The following ATP6V0A1 variants were observed in gnomAD, a reference collection of about 807,000 sequenced individuals.
ATP6V0A1 encodes the protein V-type proton ATPase 116 kDa subunit a 1.
In ATP6V0A1, 43 loss-of-function variants were observed where a neutral mutation model predicts 105.4. The ratio of observed to expected loss-of-function variants is 0.41; its 90% CI spans 0.32 to 0.53. The LOEUF (loss-of-function observed/expected upper bound fraction) is 0.53, where lower values mean the gene tolerates loss of function less well. Among genes scored for constraint, ATP6V0A1 ranks in the 20% least tolerant of loss-of-function variants. The probability of loss-of-function intolerance (pLI) is 0.30; values close to 1 mark genes in which losing one functional copy is unlikely to be tolerated. For synonymous variants in ATP6V0A1, 362 were observed against 372.8 expected, an observed-to-expected ratio of 0.97 and a Z score of 0.33; for missense variants, 676 against 1,051.1, an observed-to-expected ratio of 0.64 and a Z score of 4.93.
At position 42,492,895 on chromosome 17, in the gene ATP6V0A1, G is replaced by A. The variant is rs1384839706; in HGVS notation, c.1175-1439G>A. ...TAGCCAGGCCTGGTGGTGCATGCCT[G>A]TAATCCCAGCTACTCAGGAGGCCTA... On this transcript the variant is annotated intron_variant, in intron 11 of 21. Coordinates refer to ENST00000343619, the MANE Select transcript of ATP6V0A1 (RefSeq NM_001130021.3). 5.3e-5 allele frequency among the ~76,000 whole-genome samples: 8 copies of A among 151,968 alleles called. No homozygotes were observed. The East Asian group carries it at 1.5e-3, about 29-fold the overall frequency.
In ATP6V0A1 at chr17:42,501,257, T is replaced by C. The variant is rs1411213626; in HGVS notation, c.1957T>C (p.Phe653Leu). ...ALLCVPWMLL[F>L]KPLVLRRQYL... ...ACTGTGTGTACCTTGGATGCTGCTG[T>C]TTAAACCATTGGTCCTTCGCCGTCA... is the stretch of plus-strand genomic sequence containing the variant. The change falls in exon 17 of 22, where the codon TTT becomes CTT. Residue 653 changes from phenylalanine to leucine, a missense_variant. By Grantham distance (22) the Phe-to-Leu change is conservative. Around this residue, in one of 3 missense-constraint regions of ATP6V0A1, gnomAD observed 435 missense variants for 642.2 expected, o/e 0.68. Transcript: ENST00000343619. 1 of 1,614,168 alleles carries C rather than the reference T, an allele frequency of 6.2e-7. No homozygotes were observed.
rs748915530 is a variant in ATP6V0A1 at position 42,513,827 on chromosome 17, C to T, written c.2131-34C>T. The T allele has an allele frequency of 2.5e-6, 4 of 1,592,068 alleles. No homozygotes were observed. The Admixed American group carries it at 6.7e-5, about 27-fold the overall frequency. ...AATGCCTGCACGTTCCCCTCCTAGC[C>T]TTATATCTTCTCTCTGGTTTCCTCC... On this transcript the variant is annotated intron_variant, in intron 19 of 21. Coordinates refer to ENST00000343619, the MANE Select transcript of ATP6V0A1 (RefSeq NM_001130021.3).
chr17:42,462,178 G>A (rs1248260110), intron 2 of ATP6V0A1, among the ~76,000 whole-genome samples: 1 of 150,444 alleles, frequency 6.6e-6, no homozygotes. Flanking sequence ...TTATGCCACT[G>A]CACTCCAGCC....
intron 5 of ATP6V0A1, among the ~76,000 whole-genome samples, chr17:42,472,342 CTG>C (rs1335581780): frequency 6.6e-6 from 1 of 152,096 alleles, no homozygotes; most frequent in Non-Finnish European, 1.5e-5. Flanking sequence ...GTGTGAGCCA[CTG>C]TGCCTGGTAG....
chr17:42,499,683 G>A (rs945488542), intron 15 of ATP6V0A1, among the ~76,000 whole-genome samples: 1 of 151,396 alleles, frequency 6.6e-6, no homozygotes, highest in Admixed American at 6.6e-5. Context: ...AGCTACTCTG[G>A]TGGCTGAGGC....
intron 21 of ATP6V0A1, among the ~76,000 whole-genome samples, chr17:42,514,676 A>G (rs1307536039): frequency 6.6e-6 from 1 of 152,140 alleles, no homozygotes; most frequent in African/African-American, 2.4e-5. Flanking sequence ...CCTAGGCTCT[A>G]GGGAGATGTC....
At position 42,473,613 on chromosome 17, in the gene ATP6V0A1, A is replaced by G. The variant is rs530069450; in HGVS notation, c.423+3395A>G. ...TAATTCTTTTACCTTCCCTGTCCCC[A>G]TTTTTTTCCCTTTTGATATACTGTT... On this transcript the variant is annotated intron_variant, in intron 5 of 21. Coordinates refer to ENST00000343619, the MANE Select transcript of ATP6V0A1 (RefSeq NM_001130021.3). Among the ~76,000 whole-genome samples the G allele has an allele frequency of 1.4e-4, 21 of 151,994 alleles. No individual in the cohort carries two copies. In the East Asian group the frequency reaches 1.7e-3, roughly 13 times the overall value.
At chr17:42,486,060 G>A (rs951201374) in intron 9 of ATP6V0A1, among the ~76,000 whole-genome samples, 2 of 152,168 alleles carry the variant, frequency 1.3e-5, no homozygotes, top group African/African-American at 4.8e-5. Flanking sequence ...TGTGCTTTGG[G>A]TTGCTTGCCT....
At chr17:42,501,705 G>A (rs1303314299) in intron 17 of ATP6V0A1, among the ~76,000 whole-genome samples, 1 of 151,212 alleles carries the variant, frequency 6.6e-6, no homozygotes, top group Admixed American at 6.6e-5. Flanking sequence ...GAGCCACCAT[G>A]CCCGGCCACA....
At chr17:42,516,732 C>G (rs1470483900) in intron 21 of ATP6V0A1, among the ~76,000 whole-genome samples, 2 of 152,216 alleles carry the variant, frequency 1.3e-5, no homozygotes, top group Admixed American at 1.3e-4. Context: ...AAGATTGCTT[C>G]CTCCTCAGGC....
chr17:42,486,051 GTGCTTTGGGT>G (rs2090077295), intron 9 of ATP6V0A1, among the ~76,000 whole-genome samples: 1 of 152,190 alleles, frequency 6.6e-6, no homozygotes, highest in African/African-American at 2.4e-5. Flanking sequence ...ATGGAGACTT[GTGCTTTGGGT>G]TGCTTGCCTA....
chr17:42,506,588 T>G (rs563236509), intron 17 of ATP6V0A1, among the ~76,000 whole-genome samples: 18 of 152,246 alleles, frequency 1.2e-4, no homozygotes, highest in Non-Finnish European at 1.8e-4. Context: ...TTTGGCCCCC[T>G]GGACAGAAAC....
rs747592445 is a variant in ATP6V0A1, at chr17:42,495,197, CAGA to C, written c.1469+15_1469+17del. 3 of 1,612,476 alleles carry C rather than the reference CAGA, an allele frequency of 1.9e-6. No individual in the cohort carries two copies. The highest frequency in any genetic ancestry group is 3.3e-5 in the Admixed American group (2 of 59,914). On this transcript the variant is annotated intron_variant, in intron 13 of 21. Transcript: ENST00000343619. ...TTTACTTATAATTGGACGTAAGTTG[CAGA>C]AGAAGCTAAAATTCAAAGCTTATTC...
chr17:42,495,090 C>T lies in ATP6V0A1; in HGVS notation c.1371C>T (p.Ser457=). 1 of 1,613,984 alleles carries T rather than the reference C, an allele frequency of 6.2e-7. No individual in the cohort carries two copies. The highest frequency in any genetic ancestry group is 8.5e-7 in the Non-Finnish European group (1 of 1,179,872). ...TTATTTTATTGATGGGTGTGTTCTC[C>T]ATGTACACTGGCCTCATCTACAATG... The part of the protein sequence containing the change: ...RYIILLMGVF[S]MYTGLIYNDC... Residue 457 remains serine (S), a synonymous_variant, in exon 13 of 22, where the codon TCC becomes TCT. Transcript: ENST00000343619.
chr17:42,492,880 T>G (rs1469540779), intron 11 of ATP6V0A1, among the ~76,000 whole-genome samples: 1 of 152,006 alleles, frequency 6.6e-6, no homozygotes, highest in Non-Finnish European at 1.5e-5. Context: ...TAGCCAGGCC[T>G]GGTGGTGCAT....
intron 5 of ATP6V0A1, chr17:42,470,950 C>T (rs139162821): frequency 0.046 from 7,024 of 151,764 alleles, 228 homozygotes; most frequent in Admixed American, 0.073. Flanking sequence ...TGGTGAAACC[C>T]GGTCTCTACT....
At chr17:42,501,585 T>A in intron 17 of ATP6V0A1, among the ~76,000 whole-genome samples, 1 of 151,988 alleles carries the variant, frequency 6.6e-6, no homozygotes, top group East Asian at 2.0e-4. Context: ...TGGCTAATTC[T>A]TGTATTTTTA....
At chr17:42,513,756 C>G (rs1029824796) in intron 19 of ATP6V0A1, 105 bp from the exon 20 acceptor site, 1 of 1,073,560 alleles carries the variant, frequency 9.3e-7, no homozygotes, top group Non-Finnish European at 1.4e-6. Context: ...GAAGTGCAGT[C>G]CCCTGCCCTG....
chr17:42,518,073 T>C (rs2092700626), intron 21 of ATP6V0A1: 1 of 152,258 alleles, frequency 6.6e-6, no homozygotes, highest in African/African-American at 2.4e-5. Flanking sequence ...CTTGGCTTCT[T>C]ACCTACCATA....
Sources: gnomAD v4.1 joint callset for allele counts (sites outside exome capture counted in the v4.1 genomes callset) on GRCh38, gnomAD v4.1.1 for gene constraint, gnomAD v4.1.1 regional missense constraint, MANE v1.5 for transcripts, NCBI Gene and HGNC (gene_info 2026-07-23, HGNC 2026-07-21) for gene names.